The following ITGBL1 variants were observed in gnomAD, a reference collection of about 807,000 sequenced individuals.
ITGBL1 encodes integrin beta-like protein 1.
In ITGBL1, 51 loss-of-function variants were observed where a neutral mutation model predicts 68.5. The observed-to-expected ratio is 0.74, with a 90% CI of 0.59 to 0.94. ITGBL1 has a LOEUF of 0.94. ITGBL1 is among the 40% of genes least tolerant of loss of function. The pLI, the probability that ITGBL1 is intolerant of heterozygous loss-of-function variation, is 0.00. For missense variants in ITGBL1, 649 were observed against 647.4 expected, an observed-to-expected ratio of 1.00 and a Z score of -0.03; for synonymous variants, 209 against 227.3, an observed-to-expected ratio of 0.92 and a Z score of 0.72.
chr13:101,677,785 A>C (rs1315309991), intron 7 of ITGBL1, among the ~76,000 whole-genome samples: 1 of 152,332 alleles, frequency 6.6e-6, no homozygotes, highest in East Asian at 1.9e-4. Flanking sequence ...AAAATGGCAA[A>C]GTCAAAGCAA....
At chr13:101,706,221 TAG>T (rs1183341249) in intron 8 of ITGBL1, among the ~76,000 whole-genome samples, 1 of 152,218 alleles carries the variant, frequency 6.6e-6, no homozygotes, top group East Asian at 1.9e-4. Flanking sequence ...TATGCAATAA[TAG>T]AGAGACACCA....
At chr13:101,474,477 C>A (rs72657124) in intron 2 of ITGBL1, among the ~76,000 whole-genome samples, 1 of 152,196 alleles carries the variant, frequency 6.6e-6, no homozygotes, top group Non-Finnish European at 1.5e-5. Context: ...CTGGGCCAGC[C>A]TTGAGCCAGG....
chr13:101,703,296 G>A (rs985851202), intron 8 of ITGBL1, among the ~76,000 whole-genome samples: 2 of 152,124 alleles, frequency 1.3e-5, no homozygotes, highest in Non-Finnish European at 2.9e-5. Flanking sequence ...AAATTACTCA[G>A]AACCTGAATG....
At chr13:101,604,883 T>TAC (rs1444965646) in intron 7 of ITGBL1, among the ~76,000 whole-genome samples, 11 of 12,964 alleles carry the variant, frequency 8.5e-4, no homozygotes, top group African/African-American at 1.4e-3. Flanking sequence ...TATATATATA[T>TAC]ATATACACAC....
intron 7 of ITGBL1, among the ~76,000 whole-genome samples, chr13:101,628,712 T>C (rs1221766936): frequency 6.6e-6 from 1 of 151,572 alleles, no homozygotes; most frequent in Non-Finnish European, 1.5e-5. Flanking sequence ...AGTGCTGGGA[T>C]TACAGGCGTG....
At chr13:101,562,133 T>A (rs2050110337) in intron 2 of ITGBL1, among the ~76,000 whole-genome samples, 1 of 152,144 alleles carries the variant, frequency 6.6e-6, no homozygotes, top group South Asian at 2.1e-4. Context: ...TGGTACAATA[T>A]TATTTGAATG....
intron 8 of ITGBL1, among the ~76,000 whole-genome samples, chr13:101,700,493 C>T (rs2034111062): frequency 6.6e-6 from 1 of 152,188 alleles, no homozygotes; most frequent in Non-Finnish European, 1.5e-5. Flanking sequence ...ATATTCATTC[C>T]TCCCAACATA....
At chr13:101,717,018 A>C (rs967388443), downstream of ITGBL1, 3 of 151,974 alleles carry the variant, frequency 2.0e-5, no homozygotes, top group African/African-American at 4.8e-5. Flanking sequence ...TAAAAAAAAA[A>C]CCACTTTTTT....
chr13:101,626,012 G>C (rs1198261318), intron 7 of ITGBL1, among the ~76,000 whole-genome samples: 2 of 152,158 alleles, frequency 1.3e-5, no homozygotes, highest in Non-Finnish European at 2.9e-5. Flanking sequence ...GCTTGGATCT[G>C]ATCACATGGC....
At chr13:101,687,228 G>A (rs1032660936) in intron 7 of ITGBL1, among the ~76,000 whole-genome samples, 14 of 151,668 alleles carry the variant, frequency 9.2e-5, no homozygotes, top group South Asian at 2.1e-4. Context: ...ATATCTAATC[G>A]TGTATTTCAT....
At chr13:101,521,491 T>A (rs1400342626) in intron 2 of ITGBL1, among the ~76,000 whole-genome samples, 1 of 152,146 alleles carries the variant, frequency 6.6e-6, no homozygotes, top group Non-Finnish European at 1.5e-5. Flanking sequence ...ACCTCACTTT[T>A]GTATCCAGGG....
At chr13:101,496,253 G>A (rs1462825830) in intron 2 of ITGBL1, among the ~76,000 whole-genome samples, 1 of 152,170 alleles carries the variant, frequency 6.6e-6, no homozygotes, top group African/African-American at 2.4e-5. Flanking sequence ...CTAGTGTTCA[G>A]CAGGGACACA....
chr13:101,674,894 T>C (rs994766431), intron 7 of ITGBL1, among the ~76,000 whole-genome samples: 3 of 152,126 alleles, frequency 2.0e-5, no homozygotes, highest in Admixed American at 6.5e-5. Context: ...CTTTATTTGC[T>C]TCTTGACTTC....
chr13:101,591,197 C>T (rs1014715331), intron 6 of ITGBL1, among the ~76,000 whole-genome samples: 7 of 152,160 alleles, frequency 4.6e-5, no homozygotes, highest in African/African-American at 1.7e-4. Context: ...GTCACCACGT[C>T]CGATGGGAAC....
intron 2 of ITGBL1, among the ~76,000 whole-genome samples, chr13:101,491,471 C>T (rs1043012146): frequency 2.0e-5 from 3 of 152,142 alleles, no homozygotes; most frequent in African/African-American, 4.8e-5. Context: ...TGTCACATTA[C>T]GGTAGAGAGC....
chr13:101,652,958 A>G (rs1179345182), intron 7 of ITGBL1, among the ~76,000 whole-genome samples: 3 of 152,040 alleles, frequency 2.0e-5, no homozygotes, highest in Non-Finnish European at 4.4e-5. Flanking sequence ...TTAGCCAGGC[A>G]TGGTGGTACA....
chr13:101,513,708 C>T (rs1323848553), intron 2 of ITGBL1, among the ~76,000 whole-genome samples: 3 of 152,004 alleles, frequency 2.0e-5, no homozygotes, highest in Non-Finnish European at 2.9e-5. Context: ...TATTATACTT[C>T]AAATTAATGA....
At chr13:101,550,830 A>G (rs1484637674) in intron 2 of ITGBL1, among the ~76,000 whole-genome samples, 1 of 152,214 alleles carries the variant, frequency 6.6e-6, no homozygotes, top group African/African-American at 2.4e-5. Flanking sequence ...GATGTTTCTC[A>G]TGAGCTTTCT....
chr13:101,678,735 A>C (rs1258429936), intron 7 of ITGBL1, among the ~76,000 whole-genome samples: 9 of 151,740 alleles, frequency 5.9e-5, no homozygotes, highest in African/African-American at 1.9e-4. Context: ...TCCTGACCTC[A>C]GGTGATCCAC....
Sources: allele counts gnomAD v4.1 joint callset (sites outside exome capture counted in the v4.1 genomes callset), GRCh38; gene constraint gnomAD v4.1.1; transcripts MANE v1.5; gene names NCBI Gene and HGNC (gene_info 2026-07-23, HGNC 2026-07-21).